Variants in PDPK1 observed in about 807,000 individuals in gnomAD.
The protein encoded by PDPK1 is 3-phosphoinositide-dependent protein kinase 1.
PDPK1 carries 7 observed loss-of-function variants against 39.8 expected under a neutral mutation model. That is an observed-to-expected ratio of 0.18 (90% CI 0.10 to 0.33). The LOEUF is 0.33. Among genes scored for constraint, PDPK1 ranks in the 10% least tolerant of loss-of-function variants. The pLI is 1.00. For synonymous variants in PDPK1, 118 were observed against 159.1 expected, an observed-to-expected ratio of 0.74 and a Z score of 1.95; for missense variants, 182 against 384.7, an observed-to-expected ratio of 0.47 and a Z score of 4.41.
chr16:2,538,729 G>A, intron 1 of PDPK1: 1 of 1,286,842 alleles, frequency 7.8e-7, no homozygotes, highest in Non-Finnish European at 1.0e-6. Flanking sequence ...GCCCCTGGGA[G>A]GCCGAATGTG....
chr16:2,598,679 TC>T lies in PDPK1; in HGVS notation c.*914del. ...GCCAGAGCAGAGAGGGCTGCTGACT[TC>T]CGTGTGGAGCAGAGAGGCCTGAGGG... On this transcript the variant is annotated 3_prime_UTR_variant, in exon 14 of 14. Coordinates refer to ENST00000342085, the MANE Select transcript of PDPK1 (RefSeq NM_002613.5). The T allele has an allele frequency of 4.3e-6, 1 of 233,400 alleles. No homozygotes were observed. Among genetic ancestry groups the T allele is most frequent in the East Asian group, 6.0e-5 (1 of 16,582 alleles). 14.5% of individuals were successfully genotyped at this position (233,400 alleles called of 1,614,324 possible).
intron 11 of PDPK1, among the ~76,000 whole-genome samples, chr16:2,591,916 T>C (rs2066996943): frequency 6.6e-6 from 1 of 152,244 alleles, no homozygotes; most frequent in Admixed American, 6.5e-5. Context: ...TGAAAGCTCT[T>C]TGGGGTCTTC....
At position 2,584,770 on chromosome 16, in the gene PDPK1, G is replaced by A. The variant is rs1336237214; in HGVS notation, c.1125+1185G>A. Among the ~76,000 whole-genome samples the A allele has an allele frequency of 2.6e-5, 4 of 152,006 alleles. No homozygotes were observed. In the East Asian group the frequency reaches 7.7e-4, roughly 29 times the overall value. On this transcript the variant is annotated intron_variant, in intron 10 of 13. Transcript: ENST00000342085. ...GCTGTGTAACGCCCCTCATCCTCCC[G>A]ACATCCTTTGAGCCCAAACTCTAAG...
intron 12 of PDPK1, among the ~76,000 whole-genome samples, chr16:2,596,473 C>T (rs1296522247): frequency 1.3e-5 from 2 of 152,218 alleles, no homozygotes; most frequent in South Asian, 4.1e-4. Flanking sequence ...GGATTACAGG[C>T]GTGAGCCACG....
intron 11 of PDPK1, chr16:2,592,553 T>A: frequency 2.9e-6 from 1 of 342,742 alleles, no homozygotes; most frequent in South Asian, 2.2e-5. Flanking sequence ...TGGGTACCTG[T>A]AATCCCAGCT....
intron 1 of PDPK1, among the ~76,000 whole-genome samples, chr16:2,543,875 C>T (rs1052868050): frequency 2.0e-5 from 3 of 148,400 alleles, no homozygotes; most frequent in African/African-American, 4.9e-5. Context: ...GCACGTGCCA[C>T]CGCACCCGGC....
chr16:2,586,507 T>A (rs1199990293), intron 10 of PDPK1, among the ~76,000 whole-genome samples, 169 bp from the exon 11 acceptor site: 1 of 152,258 alleles, frequency 6.6e-6, no homozygotes, highest in East Asian at 1.9e-4. Flanking sequence ...GCCTCGGTTC[T>A]GTGGCCAGGT....
At chr16:2,540,080 T>A (rs2066216925) in intron 1 of PDPK1, among the ~76,000 whole-genome samples, 2 of 152,242 alleles carry the variant, frequency 1.3e-5, no homozygotes, top group Admixed American at 6.5e-5. Context: ...CCGTGTTTCC[T>A]GTCTGTAATG....
chr16:2,586,754 A>G lies in PDPK1; in HGVS notation c.1204A>G (p.Thr402Ala), dbSNP rs76887737. The G allele has an allele frequency of 1.9e-4, 301 of 1,614,238 alleles. No individual in the cohort carries two copies. The highest frequency in any genetic ancestry group is 2.4e-4 in the Non-Finnish European group (284 of 1,180,040). Residue 402 changes from threonine to alanine, a missense_variant, in exon 11 of 14, where the codon ACG becomes GCG. Coordinates refer to ENST00000342085, the MANE Select transcript of PDPK1 (RefSeq NM_002613.5). Reference sequence around the variant, plus strand: ...CTCACACTCCCTGTCAGCCTCCGACACGGGCCTGCCCCAGAGGTCAGGCAG... The same window carrying G: ...CTCACACTCCCTGTCAGCCTCCGACGCGGGCCTGCCCCAGAGGTCAGGCAG... ...SSSHSLSASD[T>A]GLPQRSGSNI...
chr16:2,603,008 C>G lies in PDPK1; in HGVS notation c.*5241C>G, dbSNP rs1401327409. On this transcript the variant is annotated 3_prime_UTR_variant, in exon 14 of 14. Coordinates refer to ENST00000342085, the MANE Select transcript of PDPK1 (RefSeq NM_002613.5). ...AATAATTATTGTAAACTATATTTTA[C>G]AACTTTTTTTCTGGCTTTATTATAT... The G allele has an allele frequency of 4.4e-6, 1 of 227,630 alleles. No individual in the cohort carries two copies. Among genetic ancestry groups the G allele is most frequent in the African/African-American group, 2.2e-5 (1 of 44,908 alleles). The allele number at this position is 227,630 out of a possible 1,614,324, so 14.1% of individuals were successfully genotyped here.
At chr16:2,595,932 C>T (rs930874617) in intron 12 of PDPK1, 82 bp downstream of exon 12, 6 of 982,886 alleles carry the variant, frequency 6.1e-6, no homozygotes, top group East Asian at 4.8e-5. Flanking sequence ...AGCTTGGTGG[C>T]GTGGAATCCT....
Position 2,597,477 on chromosome 16 carries a change from G to A in PDPK1, c.1555-174G>A, listed in dbSNP as rs565556209. 9.8e-4 allele frequency among the ~76,000 whole-genome samples: 150 copies of A among 152,326 alleles called. 1 individual carries two copies. The highest frequency in any genetic ancestry group is 3.4e-3 in the Middle Eastern group (1 of 294). On this transcript the variant is annotated intron_variant, in intron 13 of 13. Transcript: ENST00000342085. The surrounding 1 kb of genome is among the most constrained non-coding windows in gnomAD (Gnocchi z 6.3). ...CCTGTGCTTGTTTTTCAGTTTGGTG[G>A]TGACTGGGGGTGGTGGTCATCAGCC... is the stretch of plus-strand genomic sequence containing the variant.
rs1158565448 is a variant in PDPK1, at chr16:2,586,726, C to G, written c.1176C>G (p.Ser392=). Residue 392 remains serine, a synonymous_variant, in exon 11 of 14, where the codon TCC becomes TCG. Transcript: ENST00000342085. ...GCTGCATGCAGGTGTCTTCGTCCTC[C>G]TCCTCACACTCCCTGTCAGCCTCCG... ...QFGCMQVSSS[S]SSHSLSASDT... 6.2e-7 allele frequency: 1 copy of G among 1,614,276 alleles called. No individual in the cohort carries two copies. The highest frequency in any genetic ancestry group is 8.5e-7 in the Non-Finnish European group (1 of 1,180,054).
chr16:2,540,631 G>T (rs1476319654), intron 1 of PDPK1, among the ~76,000 whole-genome samples: 3 of 152,182 alleles, frequency 2.0e-5, no homozygotes, highest in Non-Finnish European at 4.4e-5. Flanking sequence ...GGTAGGAGGG[G>T]TGTCTTCATA....
At chr16:2,592,760 A>G (rs921197160) in intron 11 of PDPK1, 2 of 454,744 alleles carry the variant, frequency 4.4e-6, no homozygotes, top group East Asian at 1.4e-4. Flanking sequence ...AATCCGCTGC[A>G]CACACGCTGT....
chr16:2,541,993 G>C (rs1013858607), intron 1 of PDPK1, among the ~76,000 whole-genome samples: 8 of 151,820 alleles, frequency 5.3e-5, no homozygotes, highest in Non-Finnish European at 1.0e-4. Context: ...TTCTGTACCT[G>C]ATGTTGGTTG....
chr16:2,595,976 A>G (rs1271029781), intron 12 of PDPK1, 126 bp downstream of exon 12: 1 of 778,518 alleles, frequency 1.3e-6, no homozygotes, highest in South Asian at 1.5e-5. Flanking sequence ...CATCATCTCT[A>G]GATTTCATAG....
chr16:2,539,670 A>G (rs2066208490), intron 1 of PDPK1: 1 of 152,220 alleles, frequency 6.6e-6, no homozygotes, highest in Non-Finnish European at 1.5e-5. Flanking sequence ...CCCGGGTAAC[A>G]TAAAAACATG....
intron 1 of PDPK1, among the ~76,000 whole-genome samples, chr16:2,544,085 A>G (rs1040225546): frequency 4.6e-5 from 7 of 152,154 alleles, no homozygotes; most frequent in East Asian, 1.9e-4. Flanking sequence ...AAGTCTGTGC[A>G]TGTTCAGTAC....
Sources: allele counts gnomAD v4.1 joint callset (sites outside exome capture counted in the v4.1 genomes callset), GRCh38; gene constraint gnomAD v4.1.1; non-coding constraint Gnocchi (gnomAD v3.1); transcripts MANE v1.5; gene names NCBI Gene and HGNC (gene_info 2026-07-23, HGNC 2026-07-21).